LPAR1: variants seen among roughly 807,000 people sequenced by gnomAD.
LPAR1 encodes LPA receptor 1.
LPAR1 carries 5 observed loss-of-function variants against 23.8 expected under a neutral mutation model. The observed-to-expected ratio is 0.21, with a 90% CI of 0.11 to 0.44. The LOEUF is 0.44. Among genes scored for constraint, LPAR1 ranks in the 20% least tolerant of loss-of-function variants. LPAR1 has a pLI of 0.99. For synonymous variants in LPAR1, 160 were observed against 164.7 expected, an observed-to-expected ratio of 0.97 and a Z score of 0.22; for missense variants, 311 against 482.8, an observed-to-expected ratio of 0.64 and a Z score of 3.33.
At chr9:110,975,398 A>C (rs1045305795) in intron 2 of LPAR1, among the ~76,000 whole-genome samples, 9 of 152,178 alleles carry the variant, frequency 5.9e-5, no homozygotes, top group Admixed American at 5.9e-4. Flanking sequence ...TTTCCCCAAC[A>C]GTTTGAGGCA....
chr9:110,951,576 T>C lies in LPAR1; in HGVS notation c.46-9408A>G, dbSNP rs553188387. Among the ~76,000 whole-genome samples, 71 of 152,294 alleles carry C rather than the reference T, an allele frequency of 4.7e-4. No homozygotes were observed. The Middle Eastern group carries it at 0.01, about 22-fold the overall frequency. On this transcript the variant is annotated intron_variant, in intron 4 of 5. Coordinates refer to ENST00000683809, the MANE Select transcript of LPAR1 (RefSeq NM_001351411.2). ...GGGAATCAGAGAATTAATTACAAAC[T>C]GCAGTGAGATCCAATTTATTTCCAT... is the stretch of plus-strand genomic sequence containing the variant.
chr9:110,983,727 T>C (rs2096721741), intron 2 of LPAR1, among the ~76,000 whole-genome samples: 1 of 152,016 alleles, frequency 6.6e-6, no homozygotes, highest in African/African-American at 2.4e-5. Flanking sequence ...AAAACAGGTT[T>C]AAGTTAATAA....
chr9:111,016,864 G>A (rs574769183), intron 2 of LPAR1, among the ~76,000 whole-genome samples: 1 of 152,320 alleles, frequency 6.6e-6, no homozygotes, highest in East Asian at 1.9e-4. Context: ...TCTGAGATAA[G>A]CAATTGGCAT....
At chr9:110,878,383 G>T (rs920983717) in intron 5 of LPAR1, among the ~76,000 whole-genome samples, 3 of 152,270 alleles carry the variant, frequency 2.0e-5, no homozygotes, top group South Asian at 2.1e-4. Flanking sequence ...AAGGGATGAG[G>T]TTCCTAACCC....
chr9:110,889,368 A>T (rs796932057), intron 5 of LPAR1, among the ~76,000 whole-genome samples: 10 of 152,290 alleles, frequency 6.6e-5, no homozygotes, highest in South Asian at 2.1e-4. Flanking sequence ...AAAAAATAAA[A>T]AAATAAATAA....
At chr9:110,969,548 C>T (rs1044861236) in intron 4 of LPAR1, among the ~76,000 whole-genome samples, 4 of 151,878 alleles carry the variant, frequency 2.6e-5, no homozygotes, top group Admixed American at 2.0e-4. Flanking sequence ...CCCGTCTCTA[C>T]TAAAAATACA....
intron 5 of LPAR1, among the ~76,000 whole-genome samples, chr9:110,876,990 G>A (rs1276412282): frequency 6.6e-6 from 1 of 152,168 alleles, no homozygotes; most frequent in Non-Finnish European, 1.5e-5. Flanking sequence ...CACCTAATGG[G>A]CCCCATATGT....
At chr9:111,032,799 C>A (rs574047340) in intron 2 of LPAR1, among the ~76,000 whole-genome samples, 1 of 152,300 alleles carries the variant, frequency 6.6e-6, no homozygotes, top group African/African-American at 2.4e-5. Flanking sequence ...CTCAGCATAG[C>A]AAATCCTAAA....
In LPAR1 at chr9:110,942,132, CGTT is replaced by C. The variant is rs1588451987; in HGVS notation, c.79_81del (p.Asn27del). ...CGGTTATAAAAGAAGGCAATGGACTCGTTGTAGAAGCACTGTGGTTCATTCATG... is the reference window on the plus strand; with the variant it reads ...CGGTTATAAAAGAAGGCAATGGACTCGTAGAAGCACTGTGGTTCATTCATG... On this transcript the variant is annotated inframe_deletion, in exon 5 of 6. Coordinates refer to ENST00000683809, the MANE Select transcript of LPAR1 (RefSeq NM_001351411.2). 6.2e-7 allele frequency: 1 copy of C among 1,613,600 alleles called. No individual in the cohort carries two copies. The highest frequency in any genetic ancestry group is 8.5e-7 in the Non-Finnish European group (1 of 1,179,840).
Position 110,941,420 on chromosome 9 carries a change from C to G in LPAR1, c.793+1G>C. Reference sequence around the variant, plus strand: ...TAAGTTACAGTCAAGACAGAACTTACCAAGCACAATGACCACAGTCTTCAG... The same window carrying G: ...TAAGTTACAGTCAAGACAGAACTTAGCAAGCACAATGACCACAGTCTTCAG... On this transcript the variant is annotated splice_donor_variant, in intron 5 of 5. Coordinates refer to ENST00000683809, the MANE Select transcript of LPAR1 (RefSeq NM_001351411.2). LOFTEE classifies it high-confidence loss of function. The surrounding 1 kb of genome is among the most constrained non-coding windows in gnomAD (Gnocchi z 6.1). The G allele has an allele frequency of 1.2e-6, 2 of 1,605,424 alleles. No individual in the cohort carries two copies. The highest frequency in any genetic ancestry group is 1.7e-6 in the Non-Finnish European group (2 of 1,175,520).
intron 2 of LPAR1, among the ~76,000 whole-genome samples, chr9:111,035,744 A>G (rs961185200): frequency 6.6e-6 from 1 of 152,220 alleles, no homozygotes; most frequent in Non-Finnish European, 1.5e-5. Context: ...CAGGCCACAC[A>G]TCAAACACAG....
At chr9:110,932,211 G>C in intron 5 of LPAR1, among the ~76,000 whole-genome samples, 1 of 152,128 alleles carries the variant, frequency 6.6e-6, no homozygotes, top group East Asian at 1.9e-4. Context: ...ATTTCATGTA[G>C]TCATTCAGCA....
intron 5 of LPAR1, among the ~76,000 whole-genome samples, chr9:110,933,273 T>A (rs1432541811): frequency 6.6e-6 from 1 of 152,142 alleles, no homozygotes; most frequent in Non-Finnish European, 1.5e-5. Flanking sequence ...CATCAAATTA[T>A]ACGTGGACTT....
At chr9:111,025,480 C>A (rs1201424222) in intron 2 of LPAR1, among the ~76,000 whole-genome samples, 1 of 152,172 alleles carries the variant, frequency 6.6e-6, no homozygotes, top group Non-Finnish European at 1.5e-5. Context: ...CAAACATTTT[C>A]TCCCACTCTG....
intron 4 of LPAR1, 81 bp downstream of exon 4, chr9:110,971,992 C>A: frequency 2.5e-6 from 3 of 1,204,770 alleles, no homozygotes; most frequent in South Asian, 2.4e-5. Flanking sequence ...TCCCTAGAGT[C>A]AAATACACTT....
intron 2 of LPAR1, among the ~76,000 whole-genome samples, chr9:111,022,169 A>C (rs2097572512): frequency 6.6e-6 from 1 of 152,132 alleles, no homozygotes; most frequent in South Asian, 2.1e-4. Flanking sequence ...GGTTAGTTAA[A>C]TGGTGGGGTG....
chr9:111,013,008 G>A (rs1479107402), intron 2 of LPAR1, among the ~76,000 whole-genome samples: 2 of 145,344 alleles, frequency 1.4e-5, no homozygotes, highest in Non-Finnish European at 3.0e-5. Flanking sequence ...TTTAGAAAAT[G>A]TTCTCCCCTA....
At chr9:110,977,661 C>A (rs758871494) in intron 2 of LPAR1, among the ~76,000 whole-genome samples, 8 of 152,036 alleles carry the variant, frequency 5.3e-5, no homozygotes, top group South Asian at 4.1e-4. Context: ...GCACGCGGGG[C>A]TTAAAACCTA....
chr9:110,991,194 C>T (rs752326621), intron 2 of LPAR1, among the ~76,000 whole-genome samples: 55 of 152,148 alleles, frequency 3.6e-4, no homozygotes, highest in Non-Finnish European at 6.3e-4. Flanking sequence ...GATAAGATAC[C>T]TGTGAGCCAA....
Sources: gnomAD v4.1 joint callset for allele counts (sites outside exome capture counted in the v4.1 genomes callset) on GRCh38, gnomAD v4.1.1 for gene constraint, Gnocchi (gnomAD v3.1) non-coding constraint, MANE v1.5 for transcripts, NCBI Gene and HGNC (gene_info 2026-07-23, HGNC 2026-07-21) for gene names.